The following WDR47 variants were observed in gnomAD, a reference collection of about 807,000 sequenced individuals.
WDR47 encodes WD repeat domain 47.
A neutral mutation model predicts 97.2 loss-of-function variants in WDR47; 32 were observed. The observed-to-expected ratio is 0.33, with a 90% CI of 0.25 to 0.44. The LOEUF is 0.44. Among genes scored for constraint, WDR47 ranks in the 20% least tolerant of loss-of-function variants. The pLI is 1.00. For missense variants in WDR47, 782 were observed against 1,102.3 expected (o/e 0.71, Z 4.11); for synonymous variants, 375 against 373.5 (o/e 1.00, Z -0.05).
chr1:109,037,761 ATTT>A (rs1266279379), intron 1 of WDR47, among the ~76,000 whole-genome samples: 6 of 152,136 alleles, frequency 3.9e-5, no homozygotes, highest in Middle Eastern at 3.2e-3. Context: ...AAAAAACATT[ATTT>A]GAGTTACATA....
At chr1:108,991,998 C>A (rs189934092) in intron 8 of WDR47, among the ~76,000 whole-genome samples, 11 of 151,788 alleles carry the variant, frequency 7.2e-5, no homozygotes, top group Non-Finnish European at 2.9e-5. Flanking sequence ...TTACGGCCAG[C>A]CAAAGCTTTC....
At chr1:109,022,876 A>G (rs1314970917) in intron 2 of WDR47, among the ~76,000 whole-genome samples, 1 of 149,344 alleles carries the variant, frequency 6.7e-6, no homozygotes, top group Non-Finnish European at 1.5e-5. Flanking sequence ...GTGAGCCACC[A>G]CGCCCAGCCT....
At chr1:109,023,022 G>T (rs1661960947) in intron 2 of WDR47, among the ~76,000 whole-genome samples, 1 of 151,484 alleles carries the variant, frequency 6.6e-6, no homozygotes, top group Non-Finnish European at 1.5e-5. Context: ...GGCTAACATG[G>T]TGAAACCCCA....
At chr1:109,034,405 T>C (rs1252365379) in intron 1 of WDR47, among the ~76,000 whole-genome samples, 2 of 152,154 alleles carry the variant, frequency 1.3e-5, no homozygotes, top group Non-Finnish European at 1.5e-5. Context: ...AGAGAAAAAT[T>C]AGAAATAAAC....
intron 7 of WDR47, among the ~76,000 whole-genome samples, chr1:109,001,498 CAT>C (rs1270602875): frequency 1.3e-5 from 2 of 152,130 alleles, no homozygotes; most frequent in African/African-American, 4.8e-5. Context: ...CAGCTAACAA[CAT>C]AGTGTTTACA....
chr1:108,980,727 T>TCAA (rs34767135), intron 13 of WDR47, among the ~76,000 whole-genome samples: 9 of 151,114 alleles, frequency 6.0e-5, no homozygotes, highest in East Asian at 3.9e-4. Context: ...AGATTCTGTC[T>TCAA]CAACAACAAC....
At chr1:109,030,168 G>A in intron 1 of WDR47, 3 of 1,397,780 alleles carry the variant, frequency 2.1e-6, no homozygotes, top group Non-Finnish European at 2.0e-6. Flanking sequence ...CTTCATGGGT[G>A]TGAAATGCCC....
rs759230541 is a variant in WDR47, at chr1:108,982,799, TAA to T, written c.2096-22_2096-21del. 92 of 1,226,094 alleles carry T rather than the reference TAA, an allele frequency of 7.5e-5. No homozygotes were observed. Among genetic ancestry groups the T allele is most frequent in the Admixed American group, 4.0e-4 (16 of 40,478 alleles). The allele number at this position is 1,226,094 out of a possible 1,614,324, so 76.0% of individuals were successfully genotyped here. A position where few individuals can be genotyped will look rare whatever the true frequency, so the allele number is the denominator to read the frequency against. On this transcript the variant is annotated intron_variant, in intron 11 of 14. Coordinates refer to ENST00000369962, the MANE Select transcript of WDR47 (RefSeq NM_001142551.2). ...CTGGTCCTGAAACAGTAGTAAGAAT[TAA>T]AAAAAAAAAATGCTGCTCAACTTAC...
intron 4 of WDR47, among the ~76,000 whole-genome samples, chr1:109,011,966 C>T (rs1329811350): frequency 6.6e-6 from 1 of 152,044 alleles, no homozygotes; most frequent in African/African-American, 2.4e-5. Flanking sequence ...AGGCATAAGA[C>T]AGGATCTCAC....
intron 13 of WDR47, among the ~76,000 whole-genome samples, chr1:108,981,492 G>A (rs1461236315): frequency 2.6e-5 from 4 of 152,132 alleles, no homozygotes; most frequent in Non-Finnish European, 4.4e-5. Context: ...AAATGGCCCT[G>A]CTAACAGACA....
chr1:109,006,189 G>C (rs1557940399), intron 5 of WDR47, among the ~76,000 whole-genome samples: 1 of 152,102 alleles, frequency 6.6e-6, no homozygotes. Flanking sequence ...GAGGTCGGGA[G>C]TATGAGACGA....
chr1:108,996,417 C>T (rs1302031674), intron 7 of WDR47, among the ~76,000 whole-genome samples: 1 of 152,042 alleles, frequency 6.6e-6, no homozygotes, highest in Non-Finnish European at 1.5e-5. Flanking sequence ...CTTTTTCTTC[C>T]CCAATATAAC....
At chr1:108,999,852 G>A (rs906514740) in intron 7 of WDR47, among the ~76,000 whole-genome samples, 1 of 152,038 alleles carries the variant, frequency 6.6e-6, no homozygotes, top group Non-Finnish European at 1.5e-5. Flanking sequence ...TGCTCTCACT[G>A]CAAAATAAGT....
intron 2 of WDR47, among the ~76,000 whole-genome samples, chr1:109,018,190 T>A (rs889515696): frequency 1.3e-5 from 2 of 152,006 alleles, no homozygotes; most frequent in African/African-American, 2.4e-5. Flanking sequence ...GGCTCACACC[T>A]GTAATCCCAG....
chr1:109,023,072 G>A (rs1165261880), intron 2 of WDR47, among the ~76,000 whole-genome samples: 1 of 151,570 alleles, frequency 6.6e-6, no homozygotes, highest in Admixed American at 6.6e-5. Context: ...CCGTGGTGAT[G>A]GGCGCCTGTA....
Position 109,007,304 on chromosome 1 carries a change from T to C in WDR47, c.1131-2589A>G, listed in dbSNP as rs1014150354. Among the ~76,000 whole-genome samples, 7 of 151,138 alleles carry C rather than the reference T, an allele frequency of 4.6e-5. 1 individual carries two copies. The highest frequency in any genetic ancestry group is 8.8e-5 in the Non-Finnish European group (6 of 67,908). ...TGCATACTTAGCATACTTGGTCTAG[T>C]TGAGCTTCTATATATATAACATTTA... On this transcript the variant is annotated intron_variant, in intron 5 of 14. Transcript: ENST00000369962.
chr1:109,040,108 A>G (rs900708752), intron 1 of WDR47, among the ~76,000 whole-genome samples: 2 of 151,938 alleles, frequency 1.3e-5, no homozygotes, highest in African/African-American at 4.8e-5. Context: ...GCCCATTCTC[A>G]GACTAAAACA....
chr1:108,991,479 T>A, intron 8 of WDR47, 150 bp from the exon 9 acceptor site: 1 of 603,268 alleles, frequency 1.7e-6, no homozygotes, highest in Non-Finnish European at 2.8e-6. Context: ...TAAAATAAGC[T>A]CTGGATTCAG....
In WDR47 at chr1:108,991,019, C is replaced by G. The variant is rs192507147; in HGVS notation, c.1767+235G>C. 6.2e-3 allele frequency among the ~76,000 whole-genome samples: 922 copies of G among 148,494 alleles called. 2 individuals carry two copies. The highest frequency in any genetic ancestry group is 0.021 in the African/African-American group (854 of 40,256). On this transcript the variant is annotated intron_variant, in intron 9 of 14. Transcript: ENST00000369962. ...TTTTTTTGTTTTTTTTTTTTTAAGA[C>G]ACGAGGTCTCACTCTGTTGCCCAGG...
Sources: gnomAD v4.1 joint callset for allele counts (sites outside exome capture counted in the v4.1 genomes callset) on GRCh38, gnomAD v4.1.1 for gene constraint, MANE v1.5 for transcripts, NCBI Gene and HGNC (gene_info 2026-07-23, HGNC 2026-07-21) for gene names.